WTIP: variants seen among roughly 807,000 people sequenced by gnomAD.
The protein encoded by WTIP is Wilms tumor protein 1-interacting protein.
WTIP carries 23 observed loss-of-function variants against 41.7 expected under a neutral mutation model. That is an observed-to-expected ratio of 0.55 (90% CI 0.40 to 0.78). The LOEUF (loss-of-function observed/expected upper bound fraction) is 0.78. Ranked by LOEUF, WTIP falls within the 30% of genes least tolerant of loss-of-function variation. The probability of loss-of-function intolerance (pLI) is 0.00; values close to 1 mark genes in which losing one functional copy is unlikely to be tolerated. For synonymous variants in WTIP, 314 were observed against 269.9 expected (o/e 1.16, Z -1.60); for missense variants, 619 against 610.5 (o/e 1.01, Z -0.15).
intron 7 of WTIP, among the ~76,000 whole-genome samples, chr19:34,497,459 A>G (rs1301457765): frequency 6.6e-6 from 1 of 152,158 alleles, no homozygotes; most frequent in African/African-American, 2.4e-5. Flanking sequence ...GGGTCCCATG[A>G]TGGACACAGG....
chr19:34,496,133 G>A (rs983269992), intron 7 of WTIP, among the ~76,000 whole-genome samples: 1 of 151,946 alleles, frequency 6.6e-6, no homozygotes, highest in African/African-American at 2.4e-5. Context: ...CTCCAGCCTG[G>A]GCAACAAGAG....
chr19:34,501,543 C>G lies in WTIP; in HGVS notation c.*1274C>G, dbSNP rs1182845827. 1.3e-5 allele frequency: 2 copies of G among 152,458 alleles called. No individual in the cohort carries two copies. Among genetic ancestry groups the G allele is most frequent in the Non-Finnish European group, 2.9e-5 (2 of 68,240 alleles). The allele number at this position is 152,458 out of a possible 1,614,324, so 9.4% of individuals were successfully genotyped here. The stretch of plus-strand genomic sequence containing the variant: ...CACTCGCCCCTGGGAGAGCCTGGAC[C>G]CACCTCTTGGCTGCTGCTCTCCCCT... On this transcript the variant is annotated 3_prime_UTR_variant, in exon 8 of 8. Coordinates refer to ENST00000590071, the MANE Select transcript of WTIP (RefSeq NM_001080436.2).
rs770816682 is a variant in WTIP at position 34,500,122 on chromosome 19, T to TC, written c.1153-4dup. ...ACTCTGGGGCTGGGGGCTGTGTTCTTCCCTAGGACTGCGGGCTGCAGCTGA... is the reference window on the plus strand; with the variant it reads ...ACTCTGGGGCTGGGGGCTGTGTTCTTCCCCTAGGACTGCGGGCTGCAGCTGA... On this transcript the variant is annotated splice_region_variant and splice_polypyrimidine_tract_variant and intron_variant, in intron 7 of 7. Coordinates refer to ENST00000590071, the MANE Select transcript of WTIP (RefSeq NM_001080436.2). The TC allele has an allele frequency of 3.8e-6, 6 of 1,599,132 alleles. No homozygotes were observed. The South Asian group carries it at 6.6e-5, about 18-fold the overall frequency.
chr19:34,484,625 G>A (rs552876226), intron 1 of WTIP, among the ~76,000 whole-genome samples: 8 of 152,216 alleles, frequency 5.3e-5, no homozygotes, highest in East Asian at 1.9e-4. Flanking sequence ...CCCATTTCCC[G>A]GCCCCTGTGT....
intron 2 of WTIP, among the ~76,000 whole-genome samples, chr19:34,491,076 C>T (rs2075822991): frequency 6.6e-6 from 1 of 151,924 alleles, no homozygotes; most frequent in South Asian, 2.1e-4. Context: ...GATCCGCCTG[C>T]CTCGGCCTCT....
rs754756801 is a variant in WTIP, at chr19:34,495,734, T to C, written c.1115T>C (p.Met372Thr). Residue 372 changes from methionine (M) to threonine (T), a missense_variant, in exon 7 of 8, where the codon ATG becomes ACG. Around this residue, in one of 3 missense-constraint regions of WTIP, gnomAD observed 164 missense variants for 219.1 expected, o/e 0.75. Coordinates refer to ENST00000590071, the MANE Select transcript of WTIP (RefSeq NM_001080436.2). ...GCETTIRVVSMDRDYHVACYH... is the reference protein window; with the variant it reads ...GCETTIRVVSTDRDYHVACYH... ...GAGACAACCATCCGTGTGGTGTCCATGGACAGAGACTACCACGTGGCATGT... is the reference window on the plus strand; with the variant it reads ...GAGACAACCATCCGTGTGGTGTCCACGGACAGAGACTACCACGTGGCATGT... 3.1e-6 allele frequency: 5 copies of C among 1,613,964 alleles called. No homozygotes were observed. Among genetic ancestry groups the C allele is most frequent in the Non-Finnish European group, 3.4e-6 (4 of 1,179,982 alleles).
At chr19:34,496,419 C>T (rs865820152) in intron 7 of WTIP, among the ~76,000 whole-genome samples, 1 of 152,192 alleles carries the variant, frequency 6.6e-6, no homozygotes, top group Admixed American at 6.5e-5. Context: ...GATCCACCTG[C>T]CTTGGCCTCC....
In WTIP at chr19:34,510,434, G is replaced by A. The variant is rs1599977102; in HGVS notation, c.*10165G>A. 2 of 152,282 alleles carry A rather than the reference G, an allele frequency of 1.3e-5. No homozygotes were observed. The highest frequency in any genetic ancestry group is 4.8e-5 in the African/African-American group (2 of 41,442). The allele number at this position is 152,282 out of a possible 1,614,324, so 9.4% of individuals were successfully genotyped here. On this transcript the variant is annotated 3_prime_UTR_variant, in exon 8 of 8. Transcript: ENST00000590071. The stretch of plus-strand genomic sequence containing the variant: ...CTGGGACACAAGGCAGCAAGTCCTA[G>A]GCTGCACACAACATGGGGACTTTGG...
In WTIP at chr19:34,510,940, T is replaced by A. The variant is rs2075930694; in HGVS notation, c.*10671T>A. The A allele has an allele frequency of 6.6e-6, 1 of 152,258 alleles. No individual in the cohort carries two copies. Among genetic ancestry groups the A allele is most frequent in the Non-Finnish European group, 1.5e-5 (1 of 68,084 alleles). 9.4% of individuals were successfully genotyped at this position (152,258 alleles called of 1,614,324 possible). On this transcript the variant is annotated 3_prime_UTR_variant, in exon 8 of 8. Transcript: ENST00000590071. Reference sequence around the variant, plus strand: ...TTAGTATTCATATCACTATCAGCATTTTTATCAAATATTAAACAAATTTCT... The same window carrying A: ...TTAGTATTCATATCACTATCAGCATATTTATCAAATATTAAACAAATTTCT...
chr19:34,481,856 C>T lies in WTIP; in HGVS notation c.-119C>T, dbSNP rs865914576. 44 of 522,470 alleles carry T rather than the reference C, an allele frequency of 8.4e-5. No homozygotes were observed. The highest frequency in any genetic ancestry group is 9.0e-4 in the Middle Eastern group (1 of 1,108). The allele number at this position is 522,470 out of a possible 1,614,324, so 32.4% of individuals were successfully genotyped here. ...CGGCCCGGCGCCGGCCCCGCCCCGC[C>T]CCGCGCCCAGGGGTCCCGGGGCGGG... On this transcript the variant is annotated 5_prime_UTR_variant, in exon 1 of 8. Coordinates refer to ENST00000590071, the MANE Select transcript of WTIP (RefSeq NM_001080436.2).
Position 34,506,695 on chromosome 19 carries a change from G to A in WTIP, c.*6426G>A, listed in dbSNP as rs2075912682. 6.6e-6 allele frequency: 1 copy of A among 152,088 alleles called. No individual in the cohort carries two copies. The highest frequency in any genetic ancestry group is 1.5e-5 in the Non-Finnish European group (1 of 68,038). The allele number at this position is 152,088 out of a possible 1,614,324, so 9.4% of individuals were successfully genotyped here. A position where few individuals can be genotyped will look rare whatever the true frequency, so the allele number is the denominator to read the frequency against. ...GAATCGCTTGAACTGGGGAGACTGA[G>A]GTTGCAGTGAGCCGAGTTCACACCA... is the stretch of plus-strand genomic sequence containing the variant. On this transcript the variant is annotated 3_prime_UTR_variant, in exon 8 of 8. Coordinates refer to ENST00000590071, the MANE Select transcript of WTIP (RefSeq NM_001080436.2).
At chr19:34,498,827 G>A (rs1367863677) in intron 7 of WTIP, among the ~76,000 whole-genome samples, 3 of 152,060 alleles carry the variant, frequency 2.0e-5, no homozygotes, top group Non-Finnish European at 4.4e-5. Context: ...GTGAACCCGG[G>A]AGGCGGAGCT....
chr19:34,501,100 G>A lies in WTIP; in HGVS notation c.*831G>A, dbSNP rs1200921367. 1 of 152,680 alleles carries A rather than the reference G, an allele frequency of 6.5e-6. No homozygotes were observed. Among genetic ancestry groups the A allele is most frequent in the Non-Finnish European group, 1.5e-5 (1 of 68,044 alleles). 9.5% of individuals were successfully genotyped at this position (152,680 alleles called of 1,614,324 possible). ...AAGGGGCTCCACGACAAAAGGACAA[G>A]ATTTGACTTAAATTAAGTTTTTCCC... On this transcript the variant is annotated 3_prime_UTR_variant, in exon 8 of 8. Coordinates refer to ENST00000590071, the MANE Select transcript of WTIP (RefSeq NM_001080436.2).
chr19:34,484,853 C>T (rs1442585671), intron 1 of WTIP, among the ~76,000 whole-genome samples: 1 of 150,688 alleles, frequency 6.6e-6, no homozygotes, highest in Admixed American at 6.6e-5. Context: ...GCACTTGAAC[C>T]CAGGAGTTCC....
At chr19:34,483,917 CTTTTTT>C (rs61308943) in intron 1 of WTIP, among the ~76,000 whole-genome samples, 1 of 66,842 alleles carries the variant, frequency 1.5e-5, no homozygotes, top group African/African-American at 5.6e-5. Context: ...TGAACTGGAT[CTTTTTT>C]TTTTTTTTTT....
chr19:34,494,921 C>T (rs2075845106), intron 6 of WTIP, among the ~76,000 whole-genome samples: 2 of 152,240 alleles, frequency 1.3e-5, no homozygotes. Context: ...TGGGTCTTCT[C>T]AGCTCTGCAG....
intron 7 of WTIP, among the ~76,000 whole-genome samples, chr19:34,498,143 C>T (rs970370504): frequency 2.0e-5 from 3 of 152,222 alleles, no homozygotes; most frequent in East Asian, 1.9e-4. Context: ...CCCTTCCCTG[C>T]GCAGGGCGGG....
At chr19:34,492,482 C>A (rs562694454) in intron 2 of WTIP, among the ~76,000 whole-genome samples, 1 of 149,376 alleles carries the variant, frequency 6.7e-6, no homozygotes, top group Admixed American at 6.7e-5. Context: ...AGAGCGAGAC[C>A]CTGTCTTAAA....
chr19:34,507,603 C>T lies in WTIP; in HGVS notation c.*7334C>T, dbSNP rs2075917865. ...CATTAGTTTTGTCTGTCAGTCTTGTCACCAGGGAGCTGGAGACCTGGAGGG... is the reference window on the plus strand; with the variant it reads ...CATTAGTTTTGTCTGTCAGTCTTGTTACCAGGGAGCTGGAGACCTGGAGGG... On this transcript the variant is annotated 3_prime_UTR_variant, in exon 8 of 8. Coordinates refer to ENST00000590071, the MANE Select transcript of WTIP (RefSeq NM_001080436.2). The T allele has an allele frequency of 6.6e-6, 1 of 152,276 alleles. No individual in the cohort carries two copies. The highest frequency in any genetic ancestry group is 2.1e-4 in the South Asian group (1 of 4,828). The allele number at this position is 152,276 out of a possible 1,614,324, so 9.4% of individuals were successfully genotyped here. A position where few individuals can be genotyped will look rare whatever the true frequency, so the allele number is the denominator to read the frequency against.
Sources: allele counts gnomAD v4.1 joint callset (sites outside exome capture counted in the v4.1 genomes callset), GRCh38; gene constraint gnomAD v4.1.1; regional missense constraint gnomAD v4.1.1; transcripts MANE v1.5; gene names NCBI Gene and HGNC (gene_info 2026-07-23, HGNC 2026-07-21).